The following CSF2RB variants were observed in gnomAD, a reference collection of about 807,000 sequenced individuals.
The protein encoded by CSF2RB is cytokine receptor common subunit beta.
CSF2RB carries 22 observed loss-of-function variants against 67.2 expected under a neutral mutation model. The ratio of observed to expected loss-of-function variants is 0.33; its 90% CI spans 0.23 to 0.47. The LOEUF is 0.47. Among genes scored for constraint, CSF2RB ranks in the 20% least tolerant of loss-of-function variants. The pLI is 1.00. For missense variants in CSF2RB, 1,113 were observed against 1,174.5 expected, an observed-to-expected ratio of 0.95 and a Z score of 0.76; for synonymous variants, 507 against 482.9, an observed-to-expected ratio of 1.05 and a Z score of -0.65.
At position 36,937,648 on chromosome 22, in the gene CSF2RB, G is replaced by T; in HGVS notation, c.1840G>T (p.Glu614Ter). 1 of 1,556,822 alleles carries T rather than the reference G, an allele frequency of 6.4e-7. No individual in the cohort carries two copies. Among genetic ancestry groups the T allele is most frequent in the Non-Finnish European group, 8.7e-7 (1 of 1,149,834 alleles). ...CCTGGGCCAGCCGGAGCCCCCACAGGAGGGTGGGAGCCAGAAGTCCCCACC... is the reference window on the plus strand; with the variant it reads ...CCTGGGCCAGCCGGAGCCCCCACAGTAGGGTGGGAGCCAGAAGTCCCCACC... ...DILGQPEPPQ[E>*]GGSQKSPPPG... Residue 614 changes from glutamate to a stop codon, truncating the protein, a stop_gained, in exon 14 of 14, where the codon GAG becomes TAG. Coordinates refer to ENST00000403662, the MANE Select transcript of CSF2RB (RefSeq NM_000395.3). LOFTEE classifies it low-confidence loss of function (END_TRUNC). The surrounding 1 kb of genome is among the most constrained non-coding windows in gnomAD (Gnocchi z 4.6).
chr22:36,930,818 A>ATT lies in CSF2RB; in HGVS notation c.1000_1001insTT (p.Ser334IlefsTer4). 1 of 1,614,102 alleles carries ATT rather than the reference A, an allele frequency of 6.2e-7. No individual in the cohort carries two copies. On this transcript the variant is annotated frameshift_variant, in exon 8 of 14. Coordinates refer to ENST00000403662, the MANE Select transcript of CSF2RB (RefSeq NM_000395.3). LOFTEE classifies it high-confidence loss of function. ...AAGGAGGGCAGAGAAACACATAAAG[A>ATT]GCTCAGTGAACAGTGAGTTTGCTCC... is the stretch of plus-strand genomic sequence containing the variant.
chr22:36,927,060 T>G (rs1254171678), intron 4 of CSF2RB, among the ~76,000 whole-genome samples: 2 of 152,072 alleles, frequency 1.3e-5, no homozygotes, highest in African/African-American at 4.8e-5. Flanking sequence ...AGAGCTGAGA[T>G]CCAGTGCAGG....
Position 36,935,781 on chromosome 22 carries a change from TG to T in CSF2RB, c.1464+97del. On this transcript the variant is annotated intron_variant, in intron 12 of 13. Coordinates refer to ENST00000403662, the MANE Select transcript of CSF2RB (RefSeq NM_000395.3). ...CTCCTCCTTCCCTTCCTGTGGGCTT[TG>T]GGTGGTAGGGATGTAGGTGGACTGG... 13 of 1,390,150 alleles carry T rather than the reference TG, an allele frequency of 9.4e-6. No individual in the cohort carries two copies. In the South Asian group the frequency reaches 1.6e-4, roughly 17 times the overall value. 86.1% of individuals were successfully genotyped at this position (1,390,150 alleles called of 1,614,324 possible). A position where few individuals can be genotyped will look rare whatever the true frequency, so the allele number is the denominator to read the frequency against.
intron 3 of CSF2RB, among the ~76,000 whole-genome samples, chr22:36,924,774 T>C (rs1940971327): frequency 6.6e-6 from 1 of 152,020 alleles, no homozygotes; most frequent in South Asian, 2.1e-4. Context: ...CTCCCTGCAG[T>C]TTCTCTTGCA....
intron 2 of CSF2RB, chr22:36,922,704 G>T (rs527566202): frequency 3.1e-6 from 1 of 320,456 alleles, no homozygotes. Context: ...CCTGAAGCCC[G>T]CACTGGGATG....
Position 36,939,419 on chromosome 22 carries a change from G to T in CSF2RB, c.*917G>T, listed in dbSNP as rs1321824061. On this transcript the variant is annotated 3_prime_UTR_variant, in exon 14 of 14. Transcript: ENST00000403662. ...GCCTTTGGTCCAAATGGCCCGGGTG[G>T]CCACTCTTCCAGATAGACCAGGCAA... 3.3e-6 allele frequency: 2 copies of T among 604,354 alleles called. No homozygotes were observed. Among genetic ancestry groups the T allele is most frequent in the Non-Finnish European group, 6.0e-6 (2 of 335,482 alleles). The allele number at this position is 604,354 out of a possible 1,614,324, so 37.4% of individuals were successfully genotyped here.
chr22:36,925,423 A>G (rs954947305), intron 3 of CSF2RB, among the ~76,000 whole-genome samples: 1 of 152,166 alleles, frequency 6.6e-6, no homozygotes, highest in Non-Finnish European at 1.5e-5. Flanking sequence ...GCATTTATCA[A>G]AATCTACAAC....
chr22:36,924,831 T>C (rs2284030), intron 3 of CSF2RB, among the ~76,000 whole-genome samples: 108,312 of 152,022 alleles, frequency 0.71, 38,935 homozygotes, highest in East Asian at 0.94. Flanking sequence ...GCCCTGCCCA[T>C]CCTCCTCTTT....
rs1941291151 is a variant in CSF2RB at position 36,937,414 on chromosome 22, C to T, written c.1606C>T (p.Pro536Ser). The change falls in exon 14 of 14, where the codon CCT becomes TCT. Residue 536 changes from proline (P) to serine (S), a missense_variant. Pro to Ser is a moderately conservative substitution (Grantham distance 74). Around this residue, in one of 2 missense-constraint regions of CSF2RB, gnomAD observed 554 missense variants for 517.9 expected, o/e 1.07. Coordinates refer to ENST00000403662, the MANE Select transcript of CSF2RB (RefSeq NM_000395.3). This position sits in a 1 kb window ranked among gnomAD's most constrained non-coding sequence, Gnocchi z 4.6. Reference protein sequence around the residue: ...PVGFGDSEVSPLTIEDPKHVC... With the variant: ...PVGFGDSEVSSLTIEDPKHVC... ...AGGATTCGGGGACAGCGAGGTGTCA[C>T]CTCTCACCATAGAGGACCCCAAGCA... 6.2e-7 allele frequency: 1 copy of T among 1,614,008 alleles called. No homozygotes were observed. Among genetic ancestry groups the T allele is most frequent in the South Asian group, 1.1e-5 (1 of 91,072 alleles).
chr22:36,929,638 G>A lies in CSF2RB; in HGVS notation c.550-1G>A, dbSNP rs1173365153. 6.2e-7 allele frequency: 1 copy of A among 1,614,218 alleles called. No individual in the cohort carries two copies. Among genetic ancestry groups the A allele is most frequent in the African/African-American group, 1.3e-5 (1 of 75,060 alleles). ...CTCCAGCACCCACTGTCTCCTGACAGGACGCAGCCATCCTCCTCTCCAACA... is the reference window on the plus strand; with the variant it reads ...CTCCAGCACCCACTGTCTCCTGACAAGACGCAGCCATCCTCCTCTCCAACA... On this transcript the variant is annotated splice_acceptor_variant, in intron 5 of 13. Transcript: ENST00000403662. LOFTEE classifies it high-confidence loss of function.
At position 36,929,526 on chromosome 22, in the gene CSF2RB, G is replaced by C; in HGVS notation, c.516G>C (p.Glu172Asp). ...HWLSPGDLEFEVVYKRLQDSW... is the reference protein window; with the variant it reads ...HWLSPGDLEFDVVYKRLQDSW... ...TGTCCCCAGGGGATCTGGAGTTTGA[G>C]GTGGTCTACAAGCGGCTTCAGGACT... Residue 172 changes from glutamate (E) to aspartate (D), a missense_variant, in exon 5 of 14, where the codon GAG becomes GAC. Physicochemically the swap from Glu to Asp is conservative, Grantham distance 45 (BLOSUM62 2). Transcript: ENST00000403662. 1.9e-6 allele frequency: 3 copies of C among 1,614,062 alleles called. No homozygotes were observed. In the East Asian group the frequency reaches 6.7e-5, roughly 36 times the overall value.
In CSF2RB at chr22:36,938,784, A is replaced by G. The variant is rs1284803990; in HGVS notation, c.*282A>G. On this transcript the variant is annotated 3_prime_UTR_variant, in exon 14 of 14. Coordinates refer to ENST00000403662, the MANE Select transcript of CSF2RB (RefSeq NM_000395.3). ...TTATTAGAACTTTCTAGATATACTC[A>G]TTCCATCTCCCCCTCATTTTTTTAA... 3.6e-6 allele frequency: 2 copies of G among 550,294 alleles called. No individual in the cohort carries two copies. Among genetic ancestry groups the G allele is most frequent in the African/African-American group, 1.9e-5 (1 of 53,316 alleles). 34.1% of individuals were successfully genotyped at this position (550,294 alleles called of 1,614,324 possible).
In CSF2RB at chr22:36,933,932, G is replaced by T. The variant is rs780360588; in HGVS notation, c.1253G>T (p.Arg418Leu). The change falls in exon 10 of 14, where the codon CGC (arginine) becomes CTC (leucine). Residue 418 changes from arginine to leucine, a missense_variant. Transcript: ENST00000403662. The part of the protein sequence containing the change: ...YWARVRVRTS[R>L]TGYNGIWSEW... ...GCCAGGGTGAGGGTCAGGACCTCCCGCACCGGCTACAACGGGATCTGGAGC... is the reference window on the plus strand; with the variant it reads ...GCCAGGGTGAGGGTCAGGACCTCCCTCACCGGCTACAACGGGATCTGGAGC... 1 of 1,612,352 alleles carries T rather than the reference G, an allele frequency of 6.2e-7. No individual in the cohort carries two copies. Among genetic ancestry groups the T allele is most frequent in the Non-Finnish European group, 8.5e-7 (1 of 1,179,968 alleles).
At position 36,938,751 on chromosome 22, in the gene CSF2RB, G is replaced by A; in HGVS notation, c.*249G>A. ...TCCTGTCAGGTTAACTTATTTGTAGGTTCTGCATTATTAGAACTTTCTAGA... is the reference window on the plus strand; with the variant it reads ...TCCTGTCAGGTTAACTTATTTGTAGATTCTGCATTATTAGAACTTTCTAGA... On this transcript the variant is annotated 3_prime_UTR_variant, in exon 14 of 14. Transcript: ENST00000403662. 1 of 564,274 alleles carries A rather than the reference G, an allele frequency of 1.8e-6. No homozygotes were observed. The highest frequency in any genetic ancestry group is 2.8e-5 in the East Asian group (1 of 35,276). 35.0% of individuals were successfully genotyped at this position (564,274 alleles called of 1,614,324 possible). A position where few individuals can be genotyped will look rare whatever the true frequency, so the allele number is the denominator to read the frequency against.
rs551621495 is a variant in CSF2RB, at chr22:36,918,835, C to T, written c.-172-3201C>T. On this transcript the variant is annotated intron_variant, in intron 1 of 13. Coordinates refer to ENST00000403662, the MANE Select transcript of CSF2RB (RefSeq NM_000395.3). Reference sequence around the variant, plus strand: ...CAGAGTGAGAGTGGGAATCCAGCTTCCTCTCTTTCTGTTGCATCATCTTCA... The same window carrying T: ...CAGAGTGAGAGTGGGAATCCAGCTTTCTCTCTTTCTGTTGCATCATCTTCA... Among the ~76,000 whole-genome samples the T allele has an allele frequency of 5.9e-5, 9 of 152,304 alleles. No homozygotes were observed. The East Asian group carries it at 1.7e-3, about 29-fold the overall frequency.
intron 1 of CSF2RB, 143 bp from the exon 2 acceptor site, chr22:36,921,893 G>A (rs767692063): frequency 2.8e-5 from 14 of 498,870 alleles, no homozygotes; most frequent in South Asian, 6.8e-5. Context: ...GCCACACAGC[G>A]CATGTCCATT....
rs984026273 is a variant in CSF2RB, at chr22:36,940,327, A to G, written c.*1825A>G. 1 of 152,256 alleles carries G rather than the reference A, an allele frequency of 6.6e-6. No individual in the cohort carries two copies. Among genetic ancestry groups the G allele is most frequent in the African/African-American group, 2.4e-5 (1 of 41,470 alleles). 9.4% of individuals were successfully genotyped at this position (152,256 alleles called of 1,614,324 possible). ...CATTGTAAAGTAGAATCCTCTGTTCATAATGAACAAGATGAACCAATGTGG... is the reference window on the plus strand; with the variant it reads ...CATTGTAAAGTAGAATCCTCTGTTCGTAATGAACAAGATGAACCAATGTGG... On this transcript the variant is annotated 3_prime_UTR_variant, in exon 14 of 14. Transcript: ENST00000403662.
In CSF2RB at chr22:36,922,883, G is replaced by A. The variant is rs535581664; in HGVS notation, c.77-361G>A. 1.4e-4 allele frequency among the ~76,000 whole-genome samples: 21 copies of A among 152,176 alleles called. No homozygotes were observed. In the South Asian group the frequency reaches 4.4e-3, roughly 32 times the overall value. The stretch of plus-strand genomic sequence containing the variant: ...AGAACTCTGCCACGCTGCATCCCAG[G>A]GCTGAGTGTGTGCCCCCTCCCAGGC... On this transcript the variant is annotated intron_variant, in intron 2 of 13. Coordinates refer to ENST00000403662, the MANE Select transcript of CSF2RB (RefSeq NM_000395.3).
At chr22:36,924,145 C>T (rs571550922) in intron 3 of CSF2RB, among the ~76,000 whole-genome samples, 25 of 150,612 alleles carry the variant, frequency 1.7e-4, no homozygotes, top group African/African-American at 5.4e-4. Flanking sequence ...TTCTCCAGGG[C>T]GTCTCTGTCG....
Sources: allele counts gnomAD v4.1 joint callset (sites outside exome capture counted in the v4.1 genomes callset), GRCh38; gene constraint gnomAD v4.1.1; regional missense constraint gnomAD v4.1.1; non-coding constraint Gnocchi (gnomAD v3.1); transcripts MANE v1.5; gene names NCBI Gene and HGNC (gene_info 2026-07-23, HGNC 2026-07-21).